Variants in PRMT1 observed in about 807,000 individuals in gnomAD.
The protein encoded by PRMT1 is protein arginine methyltransferase 1, also known as protein arginine N-methyltransferase 1.
A neutral mutation model predicts 47.4 loss-of-function variants in PRMT1; 5 were observed. The ratio of observed to expected loss-of-function variants is 0.11; its 90% CI spans 0.06 to 0.22. The LOEUF (loss-of-function observed/expected upper bound fraction) is 0.22, where lower values mean the gene tolerates loss of function less well. Among genes scored for constraint, PRMT1 ranks in the 10% least tolerant of loss-of-function variants. PRMT1 has a pLI of 1.00. For synonymous variants in PRMT1, 227 were observed against 204.6 expected, an observed-to-expected ratio of 1.11 and a Z score of -0.94; for missense variants, 249 against 518.4, an observed-to-expected ratio of 0.48 and a Z score of 5.05.
chr19:49,685,053 T>C lies in PRMT1; in HGVS notation c.759+16T>C. The C allele has an allele frequency of 1.9e-6, 3 of 1,614,082 alleles. No individual in the cohort carries two copies. Among genetic ancestry groups the C allele is most frequent in the Non-Finnish European group, 2.5e-6 (3 of 1,179,982 alleles). On this transcript the variant is annotated intron_variant, in intron 8 of 10. Coordinates refer to ENST00000454376, the MANE Select transcript of PRMT1 (RefSeq NM_001536.6). This position sits in a 1 kb window ranked among gnomAD's most constrained non-coding sequence, Gnocchi z 4.7. ...CCTCATAAAGGTGAGGGGGTGGGCA[T>C]GGCCAGGTGCCCCCTGGGTTGAAAC... is the stretch of plus-strand genomic sequence containing the variant.
Position 49,680,612 on chromosome 19 carries a change from C to T in PRMT1, c.192+24C>T. Reference sequence around the variant, plus strand: ...AGGTCAGTGGGGACAGTCCCCAAGGCCCCAATCTTAGGGGGGCTTAAATGT... The same window carrying T: ...AGGTCAGTGGGGACAGTCCCCAAGGTCCCAATCTTAGGGGGGCTTAAATGT... On this transcript the variant is annotated intron_variant, in intron 3 of 10. Transcript: ENST00000454376. The surrounding 1 kb of genome is among the most constrained non-coding windows in gnomAD (Gnocchi z 4.2). 6.5e-7 allele frequency: 1 copy of T among 1,546,014 alleles called. No homozygotes were observed. Among genetic ancestry groups the T allele is most frequent in the South Asian group, 1.1e-5 (1 of 89,676 alleles).
At position 49,686,621 on chromosome 19, in the gene PRMT1, C is replaced by T. The variant is rs753403328; in HGVS notation, c.927C>T (p.Tyr309=). 5 of 1,611,574 alleles carry T rather than the reference C, an allele frequency of 3.1e-6. No individual in the cohort carries two copies. In the Admixed American group the frequency reaches 8.3e-5, roughly 27 times the overall value. ...CGCCCCCAGGCCCCGAGTCCCCGTA[C>T]ACGCACTGGAAGCAGACGGTGTTCT... is the stretch of plus-strand genomic sequence containing the variant. ...TGFSTSPESP[Y]THWKQTVFYM... Residue 309 remains tyrosine (Y), a synonymous_variant, in exon 10 of 11, where the codon TAC becomes TAT. Transcript: ENST00000454376.
chr19:49,679,797 G>T, intron 1 of PRMT1, 75 bp from the exon 2 acceptor site: 3 of 1,182,360 alleles, frequency 2.5e-6, no homozygotes, highest in Non-Finnish European at 3.7e-6. Flanking sequence ...CCCGGCCAGA[G>T]CCCAGGTTCC....
At chr19:49,678,873 C>T (rs2122931774) in intron 1 of PRMT1, among the ~76,000 whole-genome samples, 1 of 151,386 alleles carries the variant, frequency 6.6e-6, no homozygotes, top group Admixed American at 6.6e-5. Flanking sequence ...GGCCTGACTC[C>T]CCAAGCCACT....
chr19:49,686,684 G>A lies in PRMT1; in HGVS notation c.990G>A (p.Glu330=). The part of the protein sequence containing the change: ...EDYLTVKTGE[E]IFGTIGMRPN... ...ACCTGACCGTGAAGACGGGCGAGGAGATCTTCGGCACCATCGGCATGCGGC... is the reference window on the plus strand; with the variant it reads ...ACCTGACCGTGAAGACGGGCGAGGAAATCTTCGGCACCATCGGCATGCGGC... The change falls in exon 10 of 11, where the codon GAG becomes GAA. Residue 330 remains glutamate, a synonymous_variant. Coordinates refer to ENST00000454376, the MANE Select transcript of PRMT1 (RefSeq NM_001536.6). 1 of 1,611,220 alleles carries A rather than the reference G, an allele frequency of 6.2e-7. No individual in the cohort carries two copies. The highest frequency in any genetic ancestry group is 8.5e-7 in the Non-Finnish European group (1 of 1,178,630).
At chr19:49,687,406 G>A (rs891396796) in intron 10 of PRMT1, among the ~76,000 whole-genome samples, 34 of 152,152 alleles carry the variant, frequency 2.2e-4, no homozygotes, top group African/African-American at 7.7e-4. Context: ...ATGGGTGCGA[G>A]GGTGGGTGGC....
At chr19:49,683,871 T>G (rs1599946402) in intron 5 of PRMT1, 56 bp from the exon 6 acceptor site, 1 of 1,571,244 alleles carries the variant, frequency 6.4e-7, no homozygotes, top group East Asian at 2.4e-5. Flanking sequence ...CCGGGGGAGG[T>G]GAGGTGAGGG....
chr19:49,678,252 C>T (rs890987514), intron 1 of PRMT1: 6 of 152,210 alleles, frequency 3.9e-5, no homozygotes, highest in African/African-American at 1.2e-4. Context: ...AGCCGTTTAT[C>T]TCCCCCGGGT....
At position 49,685,654 on chromosome 19, in the gene PRMT1, G is replaced by T. The variant is rs2123002511; in HGVS notation, c.760-439G>T. On this transcript the variant is annotated intron_variant, in intron 8 of 10. Transcript: ENST00000454376. The surrounding 1 kb of genome is among the most constrained non-coding windows in gnomAD (Gnocchi z 4.7). ...GTCGGGGAGGAGTAAGTTGTTGAGT[G>T]GGGGAGGAGAGGAGACTACAGGGGC... 4 of 1,024,858 alleles carry T rather than the reference G, an allele frequency of 3.9e-6. No homozygotes were observed. Among genetic ancestry groups the T allele is most frequent in the Admixed American group, 5.2e-5 (1 of 19,240 alleles). 63.5% of individuals were successfully genotyped at this position (1,024,858 alleles called of 1,614,324 possible).
At chr19:49,687,770 G>A (rs974622206) in intron 10 of PRMT1, 1 of 285,560 alleles carries the variant, frequency 3.5e-6, no homozygotes, top group South Asian at 4.2e-5. Context: ...GGTATGGGGG[G>A]AGGAGAGGAA....
chr19:49,686,781 T>C (rs1265921928), intron 10 of PRMT1, 55 bp downstream of exon 10: 20 of 584,506 alleles, frequency 3.4e-5, no homozygotes, highest in Admixed American at 3.1e-4. Context: ...GGAGTGTAGA[T>C]TGGGGGGGGA....
upstream of PRMT1, chr19:49,677,178 T>C (rs1381250639): frequency 4.3e-6 from 5 of 1,157,830 alleles, no homozygotes; most frequent in East Asian, 2.9e-5. Context: ...TCCAGCGGGG[T>C]CGCGGTAGGC....
Position 49,680,451 on chromosome 19 carries a change from C to A in PRMT1, c.91-36C>A. On this transcript the variant is annotated intron_variant, in intron 2 of 10. Transcript: ENST00000454376. The surrounding 1 kb of genome is among the most constrained non-coding windows in gnomAD (Gnocchi z 4.2). ...GGTTTAAGAGGCTGTGGGGAGCCCC[C>A]AGATCTGACCCATGATCCCATCGGC... 1 of 1,536,520 alleles carries A rather than the reference C, an allele frequency of 6.5e-7. No homozygotes were observed. The highest frequency in any genetic ancestry group is 9.0e-7 in the Non-Finnish European group (1 of 1,109,544).
At chr19:49,678,917 T>C (rs13346465) in intron 1 of PRMT1, among the ~76,000 whole-genome samples, 21 of 145,162 alleles carry the variant, frequency 1.4e-4, no homozygotes, top group African/African-American at 4.4e-4. Flanking sequence ...GGAGTCTTAC[T>C]CTGTCACCCA....
chr19:49,686,830 G>A (rs2082214702), intron 10 of PRMT1, 104 bp downstream of exon 10: 1 of 621,926 alleles, frequency 1.6e-6, no homozygotes, highest in African/African-American at 2.0e-5. Flanking sequence ...GGTAGGGGAT[G>A]GGGGCAGCCG....
At chr19:49,678,724 A>T (rs1371966352) in intron 1 of PRMT1, among the ~76,000 whole-genome samples, 1 of 151,950 alleles carries the variant, frequency 6.6e-6, no homozygotes, top group Non-Finnish European at 1.5e-5. Flanking sequence ...GGGTCACTGT[A>T]ATGACTTCCC....
chr19:49,686,056 G>A (rs752935482), intron 8 of PRMT1, 37 bp from the exon 9 acceptor site: 1 of 1,595,684 alleles, frequency 6.3e-7, no homozygotes, highest in Non-Finnish European at 8.5e-7. Context: ...AGCGAGGTGG[G>A]GACGCATCCC....
chr19:49,683,087 T>G (rs1459731982), intron 5 of PRMT1, among the ~76,000 whole-genome samples: 4 of 151,568 alleles, frequency 2.6e-5, no homozygotes, highest in Non-Finnish European at 5.9e-5. Flanking sequence ...TTTTTTTTTT[T>G]TGTATTTTTT....
At chr19:49,679,552 T>C in intron 1 of PRMT1, 1 of 642,110 alleles carries the variant, frequency 1.6e-6, no homozygotes, top group Non-Finnish European at 2.9e-6. Context: ...GAGCGACAGC[T>C]GGCGGTGGTG....
Sources: gnomAD v4.1 joint callset for allele counts (sites outside exome capture counted in the v4.1 genomes callset) on GRCh38, gnomAD v4.1.1 for gene constraint, Gnocchi (gnomAD v3.1) non-coding constraint, MANE v1.5 for transcripts, NCBI Gene and HGNC (gene_info 2026-07-23, HGNC 2026-07-21) for gene names.